LPP: variants seen among roughly 807,000 people sequenced by gnomAD.
LPP encodes lipoma-preferred partner.
In LPP, 38 loss-of-function variants were observed where a neutral mutation model predicts 60.4. That is an observed-to-expected ratio of 0.63 (90% CI 0.49 to 0.83). LPP has a LOEUF of 0.83. LPP is among the 40% of genes least tolerant of loss of function. The pLI, the probability that LPP is intolerant of heterozygous loss-of-function variation, is 0.00. For synonymous variants in LPP, 328 were observed against 290.8 expected (o/e 1.13, Z -1.30); for missense variants, 902 against 783.6 (o/e 1.15, Z -1.80).
rs557454415 is a variant in LPP, at chr3:188,645,625, A to G, written c.1113+35781A>G. On this transcript the variant is annotated intron_variant, in intron 7 of 11. Coordinates refer to ENST00000617246, the MANE Select transcript of LPP (RefSeq NM_001375462.1). ...ACGTGGATCCCTTCTCTTTAATATCAGTTTTGCCAGTGCCCTCCTTTGTAA... is the reference window on the plus strand; with the variant it reads ...ACGTGGATCCCTTCTCTTTAATATCGGTTTTGCCAGTGCCCTCCTTTGTAA... Among the ~76,000 whole-genome samples, 3 of 152,244 alleles carry G rather than the reference A, an allele frequency of 2.0e-5. No homozygotes were observed. The South Asian group carries it at 6.2e-4, about 32-fold the overall frequency.
intron 7 of LPP, among the ~76,000 whole-genome samples, chr3:188,698,737 A>G (rs1370485620): frequency 6.6e-6 from 1 of 152,232 alleles, no homozygotes; most frequent in African/African-American, 2.4e-5. Flanking sequence ...ATAGCCAAGC[A>G]TGAGCTTTAC....
intron 9 of LPP, among the ~76,000 whole-genome samples, chr3:188,848,619 T>C (rs1203306695): frequency 6.6e-6 from 1 of 152,226 alleles, no homozygotes; most frequent in Admixed American, 6.5e-5. Flanking sequence ...ACCTCTTTGA[T>C]ACACAGATGT....
chr3:188,890,479 T>C lies in LPP; in HGVS notation c.*16000T>C, dbSNP rs1578145782. 2 of 192,692 alleles carry C rather than the reference T, an allele frequency of 1.0e-5. No homozygotes were observed. The highest frequency in any genetic ancestry group is 2.2e-5 in the Non-Finnish European group (2 of 92,282). The allele number at this position is 192,692 out of a possible 1,614,324, so 11.9% of individuals were successfully genotyped here. A position where few individuals can be genotyped will look rare whatever the true frequency, so the allele number is the denominator to read the frequency against. ...TTATAAGCAAGTGATTTAGGTATTTTCTTTTGTGTTTATGCATTATCTGAC... is the reference window on the plus strand; with the variant it reads ...TTATAAGCAAGTGATTTAGGTATTTCCTTTTGTGTTTATGCATTATCTGAC... On this transcript the variant is annotated 3_prime_UTR_variant, in exon 12 of 12. Coordinates refer to ENST00000617246, the MANE Select transcript of LPP (RefSeq NM_001375462.1).
At chr3:188,468,841 A>G (rs904257874) in intron 4 of LPP, among the ~76,000 whole-genome samples, 2 of 152,160 alleles carry the variant, frequency 1.3e-5, no homozygotes, top group Admixed American at 1.3e-4. Flanking sequence ...CTCCAGAATG[A>G]AAGACCTTCT....
intron 2 of LPP, among the ~76,000 whole-genome samples, chr3:188,248,070 G>A (rs764589131): frequency 1.5e-4 from 23 of 151,942 alleles, no homozygotes; most frequent in Non-Finnish European, 3.1e-4. Flanking sequence ...TCTTGATTTC[G>A]TATCAATTTC....
At chr3:188,206,129 T>C (rs1417189888) in intron 1 of LPP, among the ~76,000 whole-genome samples, 1 of 152,176 alleles carries the variant, frequency 6.6e-6, no homozygotes, top group Non-Finnish European at 1.5e-5. Context: ...CTGGGCCACT[T>C]TGTTAGACAC....
intron 2 of LPP, among the ~76,000 whole-genome samples, chr3:188,285,042 C>T (rs1481054449): frequency 1.3e-5 from 2 of 152,082 alleles, no homozygotes; most frequent in African/African-American, 2.4e-5. Flanking sequence ...AATGAACAAA[C>T]AGGGCATGTG....
chr3:188,609,055 A>C lies in LPP; in HGVS notation c.430-106A>C, dbSNP rs1843075409. ...CTTATTTGTGTTCTACATAGTAATA[A>C]ATAATAATTAGCAGTTATTAATATT... On this transcript the variant is annotated intron_variant, in intron 6 of 11. Coordinates refer to ENST00000617246, the MANE Select transcript of LPP (RefSeq NM_001375462.1). The surrounding 1 kb of genome is among the most constrained non-coding windows in gnomAD (Gnocchi z 6.9). 1.2e-6 allele frequency: 1 copy of C among 846,560 alleles called. No homozygotes were observed. Among genetic ancestry groups the C allele is most frequent in the Non-Finnish European group, 1.8e-6 (1 of 548,848 alleles). The allele number at this position is 846,560 out of a possible 1,614,324, so 52.4% of individuals were successfully genotyped here. A position where few individuals can be genotyped will look rare whatever the true frequency, so the allele number is the denominator to read the frequency against.
In LPP at chr3:188,890,142, G is replaced by A. The variant is rs1050680673; in HGVS notation, c.*15663G>A. On this transcript the variant is annotated 3_prime_UTR_variant, in exon 12 of 12. Transcript: ENST00000617246. ...TAAGGCGGAGATGGTGAGAAGCCGGGTTTTCTCTATGCTAAATGTGTCTAC... is the reference window on the plus strand; with the variant it reads ...TAAGGCGGAGATGGTGAGAAGCCGGATTTTCTCTATGCTAAATGTGTCTAC... The A allele has an allele frequency of 4.6e-6, 1 of 217,752 alleles. No individual in the cohort carries two copies. Among genetic ancestry groups the A allele is most frequent in the Non-Finnish European group, 9.2e-6 (1 of 108,396 alleles). The allele number at this position is 217,752 out of a possible 1,614,324, so 13.5% of individuals were successfully genotyped here. A position where few individuals can be genotyped will look rare whatever the true frequency, so the allele number is the denominator to read the frequency against.
chr3:188,510,079 T>C (rs572176931), intron 5 of LPP, among the ~76,000 whole-genome samples: 2 of 152,224 alleles, frequency 1.3e-5, no homozygotes, highest in African/African-American at 4.8e-5. Flanking sequence ...CATTTGATTA[T>C]TATTTGACTC....
rs912646529 is a variant in LPP, at chr3:188,381,334, T to C, written c.-9-24778T>C. ...CCCCTTCTCTTCTTTCCTCTTCTGC[T>C]CTCCTTTCTTCCTGCTTTTCCTTTC... On this transcript the variant is annotated intron_variant, in intron 3 of 11. Transcript: ENST00000617246. Among the ~76,000 whole-genome samples, 11 of 152,326 alleles carry C rather than the reference T, an allele frequency of 7.2e-5. 3 individuals are homozygous for C. The highest frequency in any genetic ancestry group is 1.9e-4 in the East Asian group (1 of 5,188).
chr3:188,800,168 ATTGT>A (rs1282037940), intron 9 of LPP, among the ~76,000 whole-genome samples: 1 of 95,338 alleles, frequency 1.0e-5, no homozygotes, highest in Non-Finnish European at 2.1e-5. Context: ...AGTATTTAAC[ATTGT>A]TTCTTTTTTT....
chr3:188,800,583 C>G (rs1456239571), intron 9 of LPP, among the ~76,000 whole-genome samples: 1 of 152,076 alleles, frequency 6.6e-6, no homozygotes, highest in Non-Finnish European at 1.5e-5. Context: ...ATGGGTTTTC[C>G]AAGTCAAAAG....
intron 9 of LPP, among the ~76,000 whole-genome samples, chr3:188,843,612 C>T (rs1760626018): frequency 6.6e-6 from 1 of 151,122 alleles, no homozygotes; most frequent in South Asian, 2.1e-4. Flanking sequence ...ACGGTGAAAC[C>T]CCGTCTCTAC....
intron 8 of LPP, among the ~76,000 whole-genome samples, chr3:188,735,726 C>T (rs191073321): frequency 6.6e-6 from 1 of 152,152 alleles, no homozygotes; most frequent in African/African-American, 2.4e-5. Context: ...GGCAATGTCC[C>T]CAAAATATTT....
chr3:188,342,846 G>C (rs1261400484), intron 3 of LPP, among the ~76,000 whole-genome samples: 1 of 151,788 alleles, frequency 6.6e-6, no homozygotes, highest in African/African-American at 2.4e-5. Flanking sequence ...GGTTATGTAT[G>C]GACTATGAAA....
At chr3:188,842,349 C>T (rs772923569) in intron 9 of LPP, among the ~76,000 whole-genome samples, 4 of 152,256 alleles carry the variant, frequency 2.6e-5, no homozygotes, top group South Asian at 2.1e-4. Context: ...CCATATTTTT[C>T]GCCCAATTTT....
chr3:188,296,842 G>A (rs968432363), intron 2 of LPP, among the ~76,000 whole-genome samples: 1 of 152,192 alleles, frequency 6.6e-6, no homozygotes, highest in African/African-American at 2.4e-5. Context: ...CACAAAGACT[G>A]GAAGGAAGTG....
At chr3:188,345,899 T>C (rs1764216504) in intron 3 of LPP, among the ~76,000 whole-genome samples, 1 of 152,192 alleles carries the variant, frequency 6.6e-6, no homozygotes, top group Admixed American at 6.5e-5. Flanking sequence ...GAGGTTCAAA[T>C]CCTGGCTCTA....
Sources: allele counts gnomAD v4.1 joint callset (sites outside exome capture counted in the v4.1 genomes callset), GRCh38; gene constraint gnomAD v4.1.1; non-coding constraint Gnocchi (gnomAD v3.1); transcripts MANE v1.5; gene names NCBI Gene and HGNC (gene_info 2026-07-23, HGNC 2026-07-21).